Variants in SYMPK observed in about 807,000 individuals in gnomAD.
SYMPK encodes the protein symplekin.
SYMPK carries 49 observed loss-of-function variants against 136.4 expected under a neutral mutation model. That is an observed-to-expected ratio of 0.36 (90% CI 0.29 to 0.46). The LOEUF is 0.46. SYMPK is among the 20% of genes least tolerant of loss of function. The pLI is 1.00. For missense variants in SYMPK, 1,365 were observed against 1,690.0 expected (o/e 0.81, Z 3.37); for synonymous variants, 766 against 713.0 (o/e 1.07, Z -1.19).
intron 1 of SYMPK, among the ~76,000 whole-genome samples, chr19:45,858,847 G>A (rs1971894360): frequency 6.6e-6 from 1 of 151,672 alleles, no homozygotes; most frequent in African/African-American, 2.4e-5. Context: ...ACTTCCTCTC[G>A]ATCCCCATCT....
intron 11 of SYMPK, 105 bp from the exon 12 acceptor site, chr19:45,831,693 A>C: frequency 1.1e-6 from 1 of 932,890 alleles, no homozygotes; most frequent in Non-Finnish European, 1.6e-6. Context: ...TACACACAAA[A>C]CCTCGTTTAA....
intron 18 of SYMPK, 81 bp from the exon 19 acceptor site, chr19:45,823,956 G>T: frequency 9.3e-7 from 1 of 1,070,474 alleles, no homozygotes. Context: ...GGTGGCTTGC[G>T]GGGCATGCTG....
chr19:45,827,582 G>T lies in SYMPK; in HGVS notation c.2109C>A (p.Ile703=). Residue 703 remains isoleucine, a synonymous_variant, in exon 16 of 27, where the codon ATC becomes ATA. Transcript: ENST00000245934. ...GGAACTGGCGGGACGGGCGCTTGAA[G>T]ATCAGGTCTCGAAGTGTGGACATGC... ...YLGMSTLRDL[I]FKRPSRQFQY... The T allele has an allele frequency of 6.2e-7, 1 of 1,614,170 alleles. No homozygotes were observed. Among genetic ancestry groups the T allele is most frequent in the Non-Finnish European group, 8.5e-7 (1 of 1,180,010 alleles).
Position 45,842,198 on chromosome 19 carries a change from A to G in SYMPK, c.1087+52T>C, listed in dbSNP as rs1299932009. 6 of 1,609,468 alleles carry G rather than the reference A, an allele frequency of 3.7e-6. No homozygotes were observed. The Admixed American group carries it at 1.0e-4, about 27-fold the overall frequency. ...AAATTCAGCATAGTTTAAGGTAAAT[A>G]ATGAAACATTTCAGCATGGTCTGCC... On this transcript the variant is annotated intron_variant, in intron 9 of 26. Transcript: ENST00000245934.
Position 45,818,146 on chromosome 19 carries a change from G to A in SYMPK, c.2894C>T (p.Ala965Val). The change falls in exon 23 of 27, where the codon GCC (alanine) becomes GTC (valine). Residue 965 changes from alanine (A) to valine (V), a missense_variant and splice_region_variant. By Grantham distance (64) the Ala-to-Val change is moderately conservative. Transcript: ENST00000245934. ...VKCDMKSIIK[A>V]TNLCFAERNV... is the part of the protein sequence containing the mutation. ...CCGCTCCGCAAAGCACAGGTTGGTG[G>A]CTGCGAGGAGGCGGAGAGTGGGCCT... 6.5e-7 allele frequency: 1 copy of A among 1,540,998 alleles called. No individual in the cohort carries two copies. Among genetic ancestry groups the A allele is most frequent in the Non-Finnish European group, 8.8e-7 (1 of 1,139,818 alleles).
At position 45,854,378 on chromosome 19, in the gene SYMPK, C is replaced by T; in HGVS notation, c.105+13G>A. The T allele has an allele frequency of 6.2e-7, 1 of 1,613,376 alleles. No homozygotes were observed. The highest frequency in any genetic ancestry group is 8.5e-7 in the Non-Finnish European group (1 of 1,179,358). On this transcript the variant is annotated intron_variant, in intron 2 of 26. Coordinates refer to ENST00000245934, the MANE Select transcript of SYMPK (RefSeq NM_004819.3). ...TATGCTTCCTCACTCCAAGCCCTAC[C>T]CGCCACGCTCACCCTCTCTGAGGTG...
chr19:45,827,891 C>A lies in SYMPK; in HGVS notation c.2013G>T (p.Ala671=). ...DGIFTKVVLE[A]PLITESALEV... ...CCAGGGCACTCTCTGTGATGAGTGG[C>A]GCCTCCAGCACAACCTTGGTGAAGA... Residue 671 remains alanine (A), a synonymous_variant, in exon 15 of 27, where the codon GCG becomes GCT. Transcript: ENST00000245934. 3 of 1,613,930 alleles carry A rather than the reference C, an allele frequency of 1.9e-6. No homozygotes were observed. Among genetic ancestry groups the A allele is most frequent in the Non-Finnish European group, 2.5e-6 (3 of 1,180,016 alleles).
chr19:45,828,685 A>G (rs1156812978), intron 14 of SYMPK: 20 of 495,374 alleles, frequency 4.0e-5, no homozygotes, highest in Non-Finnish European at 6.6e-5. Flanking sequence ...TTATTTACAG[A>G]TGGGAAAATG....
chr19:45,830,490 C>T, intron 12 of SYMPK: 1 of 381,142 alleles, frequency 2.6e-6, no homozygotes. Context: ...GACCAGCTCT[C>T]CAGGCAAAGG....
In SYMPK at chr19:45,851,302, G is replaced by A. The variant is rs1268502954; in HGVS notation, c.299+1010C>T. On this transcript the variant is annotated intron_variant, in intron 5 of 26. Coordinates refer to ENST00000245934, the MANE Select transcript of SYMPK (RefSeq NM_004819.3). ...TTAAAATAGCTGATTTTTGCTGGGCGTCGTGGCTCATGCCTGTAATCCCCG... is the reference window on the plus strand; with the variant it reads ...TTAAAATAGCTGATTTTTGCTGGGCATCGTGGCTCATGCCTGTAATCCCCG... Among the ~76,000 whole-genome samples the A allele has an allele frequency of 3.9e-5, 6 of 152,176 alleles. No homozygotes were observed. The South Asian group carries it at 6.2e-4, about 16-fold the overall frequency.
chr19:45,815,613 G>A lies in SYMPK; in HGVS notation c.3772C>T (p.Pro1258Ser). Residue 1258 changes from proline to serine, a missense_variant, in exon 27 of 27, where the codon CCC (proline) becomes TCC (serine). Around this residue, in one of 11 missense-constraint regions of SYMPK, gnomAD observed 341 missense variants for 270.5 expected, o/e 1.26. Coordinates refer to ENST00000245934, the MANE Select transcript of SYMPK (RefSeq NM_004819.3). Reference sequence around the variant, plus strand: ...CTGGCGTCCTCGGCAGCCGGGCTGGGAGTCTTCATAGCATCTTCTCCAACA... The same window carrying A: ...CTGGCGTCCTCGGCAGCCGGGCTGGAAGTCTTCATAGCATCTTCTCCAACA... Reference protein sequence around the residue: ...APVGEDAMKTPSPAAEDAREP... With the variant: ...APVGEDAMKTSSPAAEDAREP... The A allele has an allele frequency of 6.2e-7, 1 of 1,609,144 alleles. No individual in the cohort carries two copies. The highest frequency in any genetic ancestry group is 8.5e-7 in the Non-Finnish European group (1 of 1,178,496).
chr19:45,816,022 G>C lies in SYMPK; in HGVS notation c.3516C>G (p.Pro1172=). Residue 1172 remains proline, a synonymous_variant, in exon 26 of 27, where the codon CCC becomes CCG. Coordinates refer to ENST00000245934, the MANE Select transcript of SYMPK (RefSeq NM_004819.3). ...CTGGCCGGGCCGACGGAGAGGGAGA[G>C]GGGGAGGAAGAGGAGGGGGCTCCCA... ...GGVGAPSSSS[P]SPSPSARPGP... is the part of the protein sequence containing the mutation. 3 of 1,592,106 alleles carry C rather than the reference G, an allele frequency of 1.9e-6. No homozygotes were observed. The highest frequency in any genetic ancestry group is 2.3e-5 in the East Asian group (1 of 44,140).
intron 9 of SYMPK, among the ~76,000 whole-genome samples, chr19:45,841,876 T>C (rs1257477222): frequency 1.3e-5 from 2 of 152,158 alleles, no homozygotes; most frequent in Non-Finnish European, 2.9e-5. Context: ...ATAAGAGGGA[T>C]ACTATTTTCA....
intron 3 of SYMPK, 80 bp downstream of exon 3, chr19:45,854,095 T>C (rs1971759475): frequency 1.5e-6 from 2 of 1,298,002 alleles, no homozygotes; most frequent in Admixed American, 1.7e-5. Context: ...TGGACACTGG[T>C]GTTACTGCAA....
In SYMPK at chr19:45,842,507, G is replaced by T; in HGVS notation, c.848-18C>A. 1 of 1,603,164 alleles carries T rather than the reference G, an allele frequency of 6.2e-7. No individual in the cohort carries two copies. The highest frequency in any genetic ancestry group is 8.5e-7 in the Non-Finnish European group (1 of 1,173,092). On this transcript the variant is annotated intron_variant, in intron 8 of 26. Transcript: ENST00000245934. ...CAGGTTGGCTGTGAGGAAAGTGGCA[G>T]GAGCTGTGTCTTGTGGAAGATCTCA... is the stretch of plus-strand genomic sequence containing the variant.
chr19:45,839,128 AT>A (rs2094683709), intron 9 of SYMPK, among the ~76,000 whole-genome samples: 1 of 152,144 alleles, frequency 6.6e-6, no homozygotes, highest in Non-Finnish European at 1.5e-5. Context: ...ACCTCAGGTG[AT>A]CCACCTGTCT....
chr19:45,849,201 A>AT (rs764888628), intron 5 of SYMPK, among the ~76,000 whole-genome samples: 1 of 152,292 alleles, frequency 6.6e-6, no homozygotes, highest in East Asian at 1.9e-4. Context: ...TGTTTATGCA[A>AT]TTTTTTGGGA....
intron 13 of SYMPK, among the ~76,000 whole-genome samples, chr19:45,829,739 A>G (rs1971125893): frequency 6.6e-6 from 1 of 152,234 alleles, no homozygotes; most frequent in Admixed American, 6.5e-5. Flanking sequence ...AAATAGTAAC[A>G]GTAAGAACGT....
At chr19:45,832,199 T>G (rs1320812919) in intron 11 of SYMPK, among the ~76,000 whole-genome samples, 1 of 152,016 alleles carries the variant, frequency 6.6e-6, no homozygotes, top group African/African-American at 2.4e-5. Context: ...TGGAGTGCAG[T>G]GGCTTGATCC....
Sources: gnomAD v4.1 joint callset for allele counts (sites outside exome capture counted in the v4.1 genomes callset) on GRCh38, gnomAD v4.1.1 for gene constraint, gnomAD v4.1.1 regional missense constraint, MANE v1.5 for transcripts, NCBI Gene and HGNC (gene_info 2026-07-23, HGNC 2026-07-21) for gene names.